The following BRCA1 variants were observed in gnomAD, a reference collection of about 807,000 sequenced individuals.
The protein encoded by BRCA1 is BRCA1 DNA repair associated, also known as breast cancer type 1 susceptibility protein.
A neutral mutation model predicts 173.7 loss-of-function variants in BRCA1; 140 were observed. The ratio of observed to expected loss-of-function variants is 0.81; its 90% CI spans 0.70 to 0.93. The LOEUF is 0.93. Among genes scored for constraint, BRCA1 ranks in the 40% least tolerant of loss-of-function variants. BRCA1 has a pLI of 0.00. For synonymous variants in BRCA1, 662 were observed against 756.0 expected, an observed-to-expected ratio of 0.88 and a Z score of 2.04; for missense variants, 1,983 against 2,172.5, an observed-to-expected ratio of 0.91 and a Z score of 1.73.
At chr17:43,048,509 T>A (rs1251357045) in intron 21 of BRCA1, among the ~76,000 whole-genome samples, 1 of 144,754 alleles carries the variant, frequency 6.9e-6, no homozygotes, top group Non-Finnish European at 1.5e-5. Flanking sequence ...CTAGCTTTTC[T>A]CTCTCTCTCT....
At chr17:43,051,395 C>T (rs1191571802) in intron 19 of BRCA1, among the ~76,000 whole-genome samples, 3 of 152,156 alleles carry the variant, frequency 2.0e-5, no homozygotes, top group Non-Finnish European at 4.4e-5. Flanking sequence ...GAGCATCTCA[C>T]TTTTGTCACC....
rs1384309867 is a variant in BRCA1 at position 43,097,343 on chromosome 17, G to C, written c.548-54C>G. On this transcript the variant is annotated intron_variant, in intron 7 of 22. Transcript: ENST00000357654. ...CAATAAAAGTTTTCTTAATTAAAAG[G>C]GTTAAAAAAATGTACTTGTTGAAAA... 5.0e-6 allele frequency: 7 copies of C among 1,409,292 alleles called. No homozygotes were observed. Among genetic ancestry groups the C allele is most frequent in the African/African-American group, 2.9e-5 (2 of 69,016 alleles). 87.3% of individuals were successfully genotyped at this position (1,409,292 alleles called of 1,614,324 possible).
chr17:43,161,447 G>C (rs2056235282), intron 1 of BRCA1: 1 of 152,154 alleles, frequency 6.6e-6, no homozygotes, highest in Admixed American at 6.6e-5. Flanking sequence ...TGTTTTTATG[G>C]ACAGTAGGAA....
intron 6 of BRCA1, among the ~76,000 whole-genome samples, chr17:43,102,678 G>C (rs1444974108): frequency 4.0e-5 from 6 of 150,242 alleles, no homozygotes; most frequent in East Asian, 3.9e-4. Flanking sequence ...TTTGCAACTA[G>C]ATCTTGCTTT....
At chr17:43,115,043 T>C (rs969890254) in intron 3 of BRCA1, among the ~76,000 whole-genome samples, 1 of 152,162 alleles carries the variant, frequency 6.6e-6, no homozygotes, top group African/African-American at 2.4e-5. Context: ...GGGCAAACAC[T>C]GACCCTTAGA....
At chr17:43,099,534 G>A (rs928497126) in intron 7 of BRCA1, among the ~76,000 whole-genome samples, 1 of 152,094 alleles carries the variant, frequency 6.6e-6, no homozygotes, top group African/African-American at 2.4e-5. Context: ...GCCTCCCAAA[G>A]TGCTGGGATT....
intron 15 of BRCA1, among the ~76,000 whole-genome samples, chr17:43,070,175 T>C (rs2052322446): frequency 6.6e-6 from 1 of 152,038 alleles, no homozygotes; most frequent in Non-Finnish European, 1.5e-5. Flanking sequence ...TTAGGTGATC[T>C]GACCACCTCA....
intron 2 of BRCA1, chr17:43,119,263 C>T (rs1293402022): frequency 5.3e-6 from 1 of 190,206 alleles, no homozygotes; most frequent in Non-Finnish European, 9.9e-6. Context: ...ACAGAGAATC[C>T]ATCTCAAAAA....
At chr17:43,067,273 TGAG>T in intron 16 of BRCA1, 1 of 176,734 alleles carries the variant, frequency 5.7e-6, no homozygotes, top group Non-Finnish European at 1.2e-5. Flanking sequence ...TTTTTTTTTT[TGAG>T]ACGGAGCCTT....
chr17:43,052,821 ACACT>A (rs67242330), intron 19 of BRCA1, among the ~76,000 whole-genome samples: 14,250 of 83,318 alleles, frequency 0.17, 764 homozygotes, highest in East Asian at 0.3. Flanking sequence ...ACACACACAC[ACACT>A]CTCTTACTTT....
chr17:43,049,024 C>T lies in BRCA1; in HGVS notation c.5406+97G>A. ...ATGTGGGCAGAGAAGACTTCTGAGG[C>T]TACAGTAGGGGCATCCATAGGGACT... On this transcript the variant is annotated intron_variant, in intron 21 of 22. Transcript: ENST00000357654. 3 of 1,190,984 alleles carry T rather than the reference C, an allele frequency of 2.5e-6. No individual in the cohort carries two copies. The Admixed American group carries it at 5.7e-5, about 23-fold the overall frequency. 73.8% of individuals were successfully genotyped at this position (1,190,984 alleles called of 1,614,324 possible). A position where few individuals can be genotyped will look rare whatever the true frequency, so the allele number is the denominator to read the frequency against.
intron 6 of BRCA1, among the ~76,000 whole-genome samples, chr17:43,100,609 C>A (rs1176770528): frequency 1.8e-4 from 12 of 65,746 alleles, no homozygotes; most frequent in African/African-American, 2.7e-4. Flanking sequence ...ATATATATAA[C>A]ATATATATAA....
intron 10 of BRCA1, 110 bp downstream of exon 10, chr17:43,091,325 G>A: frequency 7.1e-7 from 1 of 1,403,320 alleles, no homozygotes; most frequent in Admixed American, 1.8e-5. Context: ...TTAAGAAGCA[G>A]TTCCTTTAAC....
intron 4 of BRCA1, among the ~76,000 whole-genome samples, chr17:43,105,887 T>G (rs1478167343): frequency 1.3e-5 from 2 of 151,952 alleles, no homozygotes; most frequent in Admixed American, 6.6e-5. Flanking sequence ...CCCCAGCACT[T>G]TGGGAGGCCG....
At chr17:43,086,255 T>C (rs901905706) in intron 11 of BRCA1, among the ~76,000 whole-genome samples, 1 of 152,122 alleles carries the variant, frequency 6.6e-6, no homozygotes, top group Admixed American at 6.6e-5. Context: ...ATGACCTTGA[T>C]AGGAGGAAGC....
At position 43,149,137 on chromosome 17, in the gene BRCA1, C is replaced by T. The variant is rs2056143284; in HGVS notation, c.-20+20989G>A. 2.0e-5 allele frequency among the ~76,000 whole-genome samples: 3 copies of T among 151,504 alleles called. No individual in the cohort carries two copies. The South Asian group carries it at 6.3e-4, about 32-fold the overall frequency. On this transcript the variant is annotated intron_variant, in intron 1 of 7. Coordinates refer to the BRCA1 transcript ENST00000634433. ...CCCCCGAGACAGAGTCTTGCCCTGT[C>T]GCCCAGGCTGGAGTGCAGTGGCACG... is the stretch of plus-strand genomic sequence containing the variant.
intron 1 of BRCA1, chr17:43,145,237 TAAAG>T: frequency 5.8e-6 from 4 of 692,712 alleles, no homozygotes; most frequent in South Asian, 4.1e-5. Flanking sequence ...AAGCAGGAGA[TAAAG>T]AAGCCAAGTC....
At chr17:43,051,033 TG>T in intron 20 of BRCA1, 29 bp downstream of exon 20, 1 of 1,605,194 alleles carries the variant, frequency 6.2e-7, no homozygotes, top group Non-Finnish European at 8.5e-7. Flanking sequence ...AGGCTGGTGC[TG>T]GAACTCTGGG....
intron 8 of BRCA1, 42 bp downstream of exon 8, chr17:43,097,202 G>T (rs1393779959): frequency 1.3e-6 from 2 of 1,579,696 alleles, no homozygotes. Context: ...TAACTAAATA[G>T]GAAAATACCA....
Sources: gnomAD v4.1 joint callset for allele counts (sites outside exome capture counted in the v4.1 genomes callset) on GRCh38, gnomAD v4.1.1 for gene constraint, MANE v1.5 for transcripts, NCBI Gene and HGNC (gene_info 2026-07-23, HGNC 2026-07-21) for gene names.